The following SNX29 variants were observed in gnomAD, a reference collection of about 807,000 sequenced individuals.
The protein encoded by SNX29 is sorting nexin-29.
SNX29 carries 78 observed loss-of-function variants against 102.1 expected under a neutral mutation model. The ratio of observed to expected loss-of-function variants is 0.76; its 90% CI spans 0.64 to 0.92. SNX29 has a LOEUF of 0.92. Among genes scored for constraint, SNX29 ranks in the 40% least tolerant of loss-of-function variants. The probability of loss-of-function intolerance (pLI) is 0.00; values close to 1 mark genes in which losing one functional copy is unlikely to be tolerated. For missense variants in SNX29, 1,280 were observed against 1,061.7 expected, an observed-to-expected ratio of 1.21 and a Z score of -2.86; for synonymous variants, 580 against 414.5, an observed-to-expected ratio of 1.40 and a Z score of -4.85.
intron 3 of SNX29, among the ~76,000 whole-genome samples, chr16:12,018,999 A>T (rs1206270669): frequency 1.3e-5 from 2 of 152,158 alleles, no homozygotes; most frequent in Non-Finnish European, 2.9e-5. Flanking sequence ...ACCTTTTAAA[A>T]AATGCTATAT....
intron 14 of SNX29, among the ~76,000 whole-genome samples, chr16:12,240,694 G>T (rs1177461170): frequency 7.4e-6 from 1 of 134,906 alleles, no homozygotes; most frequent in Admixed American, 8.7e-5. Flanking sequence ...CCTCCTCCCA[G>T]GTTCAGGTGA....
chr16:12,491,292 G>A (rs1486471840), intron 19 of SNX29, among the ~76,000 whole-genome samples: 2 of 152,316 alleles, frequency 1.3e-5, no homozygotes, highest in South Asian at 2.1e-4. Flanking sequence ...GCCCATGAAT[G>A]AGGTTCCTGG....
chr16:12,482,194 G>A (rs1457592721), intron 19 of SNX29, among the ~76,000 whole-genome samples: 1 of 152,216 alleles, frequency 6.6e-6, no homozygotes, highest in Non-Finnish European at 1.5e-5. Context: ...TAACTCACTT[G>A]TCCGCCTGGA....
intron 13 of SNX29, among the ~76,000 whole-genome samples, chr16:12,155,176 T>C (rs2055489430): frequency 6.6e-6 from 1 of 152,180 alleles, no homozygotes; most frequent in Non-Finnish European, 1.5e-5. Flanking sequence ...CTCTGGCTCT[T>C]GTTGCTACTC....
Position 12,227,187 on chromosome 16 carries a change from C to G in SNX29, c.1678+27504C>G, listed in dbSNP as rs766288531. 6.6e-4 allele frequency among the ~76,000 whole-genome samples: 100 copies of G among 152,236 alleles called. 1 individual carries two copies. The highest frequency in any genetic ancestry group is 1.0e-3 in the Non-Finnish European group (69 of 68,018). ...TTCTGGGGACATAGCAGTAGCTCTT[C>G]CTTTCTCCCCATTTTACTTCCCTTG... On this transcript the variant is annotated intron_variant, in intron 14 of 20. Transcript: ENST00000566228.
At chr16:12,136,764 G>C (rs2054678709) in intron 13 of SNX29, among the ~76,000 whole-genome samples, 1 of 152,056 alleles carries the variant, frequency 6.6e-6, no homozygotes, top group African/African-American at 2.4e-5. Flanking sequence ...TTTTGAGACA[G>C]AGTCTCGCTC....
At chr16:12,412,671 A>C (rs946445820) in intron 18 of SNX29, among the ~76,000 whole-genome samples, 1 of 152,194 alleles carries the variant, frequency 6.6e-6, no homozygotes. Context: ...ATACGTGTGC[A>C]TGTGTTTTTG....
At chr16:12,403,601 T>A in intron 18 of SNX29, 72 bp downstream of exon 18, 1 of 1,443,816 alleles carries the variant, frequency 6.9e-7, no homozygotes, top group South Asian at 1.2e-5. Context: ...TGTGGTGCTT[T>A]TTGCCTCTTG....
Position 12,291,109 on chromosome 16 carries a change from G to A in SNX29, c.1782+13073G>A, listed in dbSNP as rs533950045. 9.3e-4 allele frequency among the ~76,000 whole-genome samples: 142 copies of A among 152,232 alleles called. 1 individual carries two copies. Among genetic ancestry groups the A allele is most frequent in the African/African-American group, 3.1e-3 (130 of 41,532 alleles). ...ATGCTTGATACTTGAGCTGTGTTAC[G>A]AGGCTCCTGTTTCTCTCTCTTTAGT... On this transcript the variant is annotated intron_variant, in intron 15 of 20. Coordinates refer to ENST00000566228, the MANE Select transcript of SNX29 (RefSeq NM_032167.5).
intron 15 of SNX29, among the ~76,000 whole-genome samples, chr16:12,347,360 C>G (rs1001903425): frequency 6.6e-6 from 1 of 152,076 alleles, no homozygotes; most frequent in Admixed American, 6.5e-5. Flanking sequence ...GCCTGAATAA[C>G]TTCCTGGGGC....
intron 18 of SNX29, among the ~76,000 whole-genome samples, chr16:12,459,178 A>C (rs949073900): frequency 1.7e-5 from 2 of 117,888 alleles, no homozygotes; most frequent in African/African-American, 6.5e-5. Flanking sequence ...CTATCCTCCT[A>C]CCCGCCTTTT....
chr16:12,146,180 C>G (rs1457707571), intron 13 of SNX29, among the ~76,000 whole-genome samples: 1 of 152,184 alleles, frequency 6.6e-6, no homozygotes, highest in African/African-American at 2.4e-5. Flanking sequence ...CAGTGACTAT[C>G]TCAGTATCTG....
chr16:12,540,932 C>CA (rs1346865139), intron 20 of SNX29, among the ~76,000 whole-genome samples: 3 of 152,216 alleles, frequency 2.0e-5, no homozygotes, highest in Non-Finnish European at 4.4e-5. Flanking sequence ...ACCCCCTGCC[C>CA]ACTTTTGGGG....
chr16:12,233,576 C>T lies in SNX29; in HGVS notation c.1678+33893C>T, dbSNP rs891155657. Among the ~76,000 whole-genome samples, 6 of 151,988 alleles carry T rather than the reference C, an allele frequency of 3.9e-5. No individual in the cohort carries two copies. In the East Asian group the frequency reaches 5.8e-4, roughly 15 times the overall value. ...TGTAACAAACCTTCACTTGTACCCC[C>T]GAATCTGAAATGAAAGGTGAAAAAA... On this transcript the variant is annotated intron_variant, in intron 14 of 20. Transcript: ENST00000566228.
In SNX29 at chr16:12,206,906, C is replaced by G. The variant is rs377596513; in HGVS notation, c.1678+7223C>G. Among the ~76,000 whole-genome samples, 53 of 148,346 alleles carry G rather than the reference C, an allele frequency of 3.6e-4. No individual in the cohort carries two copies. In the South Asian group the frequency reaches 0.011, roughly 32 times the overall value. On this transcript the variant is annotated intron_variant, in intron 14 of 20. Coordinates refer to ENST00000566228, the MANE Select transcript of SNX29 (RefSeq NM_032167.5). The stretch of plus-strand genomic sequence containing the variant: ...GGAACCACTGCCTTGGAGGATATCA[C>G]TTTCCAATTAATGAAGTTCAGGGTC...
At chr16:12,069,562 T>A (rs888729574) in intron 10 of SNX29, among the ~76,000 whole-genome samples, 1 of 151,924 alleles carries the variant, frequency 6.6e-6, no homozygotes, top group Non-Finnish European at 1.5e-5. Context: ...GCAGATTTAG[T>A]CTTTACATCA....
chr16:12,289,498 C>T (rs2079721590), intron 15 of SNX29, among the ~76,000 whole-genome samples: 2 of 152,116 alleles, frequency 1.3e-5, no homozygotes, highest in Non-Finnish European at 2.9e-5. Context: ...GTGAGGTCAC[C>T]ACCCTCTCCG....
At chr16:12,454,704 A>G (rs1597436834) in intron 18 of SNX29, among the ~76,000 whole-genome samples, 2 of 151,894 alleles carry the variant, frequency 1.3e-5, no homozygotes, top group African/African-American at 2.4e-5. Flanking sequence ...GAATGAATTT[A>G]TTTATTTATT....
At chr16:12,411,882 T>G (rs766647352) in intron 18 of SNX29, among the ~76,000 whole-genome samples, 2 of 152,200 alleles carry the variant, frequency 1.3e-5, no homozygotes, top group African/African-American at 2.4e-5. Flanking sequence ...ACCACTTGAC[T>G]TGTGATAAGC....
Sources: gnomAD v4.1 joint callset for allele counts (sites outside exome capture counted in the v4.1 genomes callset) on GRCh38, gnomAD v4.1.1 for gene constraint, MANE v1.5 for transcripts, NCBI Gene and HGNC (gene_info 2026-07-23, HGNC 2026-07-21) for gene names.